TANGO6: variants seen among roughly 807,000 people sequenced by gnomAD.
TANGO6 encodes the protein transport and golgi organization 6 homolog, also known as transport and Golgi organization protein 6 homolog.
TANGO6 carries 90 observed loss-of-function variants against 114.2 expected under a neutral mutation model. The observed-to-expected ratio is 0.79, with a 90% CI of 0.66 to 0.94. The LOEUF is 0.94. Among genes scored for constraint, TANGO6 ranks in the 40% least tolerant of loss-of-function variants. TANGO6 has a pLI of 0.00. For synonymous variants in TANGO6, 477 were observed against 509.8 expected, an observed-to-expected ratio of 0.94 and a Z score of 0.87; for missense variants, 1,274 against 1,315.3, an observed-to-expected ratio of 0.97 and a Z score of 0.49.
Position 68,843,609 on chromosome 16 carries a change from A to G in TANGO6, c.-9A>G. On this transcript the variant is annotated 5_prime_UTR_variant, in exon 1 of 18. Transcript: ENST00000261778. The stretch of plus-strand genomic sequence containing the variant: ...GAGCGGGTCGCGAGCGTGGTGTTAC[A>G]CTCCAGTCATGGCGGCCCGACAGGC... 1.9e-6 allele frequency: 3 copies of G among 1,612,548 alleles called. No homozygotes were observed. Among genetic ancestry groups the G allele is most frequent in the Non-Finnish European group, 1.7e-6 (2 of 1,179,266 alleles).
chr16:69,061,664 TA>T (rs1440095657), intron 17 of TANGO6, among the ~76,000 whole-genome samples: 1 of 152,204 alleles, frequency 6.6e-6, no homozygotes, highest in Non-Finnish European at 1.5e-5. Flanking sequence ...GTTTTTGCCA[TA>T]ATGCTTGCTC....
intron 15 of TANGO6, among the ~76,000 whole-genome samples, chr16:68,980,204 A>G (rs1963811195): frequency 6.6e-6 from 1 of 151,344 alleles, no homozygotes; most frequent in Non-Finnish European, 1.5e-5. Context: ...ATTGACATTT[A>G]TATCATAAAT....
intron 15 of TANGO6, among the ~76,000 whole-genome samples, chr16:68,980,041 T>G (rs1294917322): frequency 3.3e-5 from 5 of 151,904 alleles, no homozygotes; most frequent in African/African-American, 1.2e-4. Context: ...AGAGACGGGG[T>G]TTCACCATGC....
At position 68,860,418 on chromosome 16, in the gene TANGO6, C is replaced by A. The variant is rs752933830; in HGVS notation, c.629C>A (p.Ser210Tyr). 6.2e-7 allele frequency: 1 copy of A among 1,614,002 alleles called. No individual in the cohort carries two copies. Among genetic ancestry groups the A allele is most frequent in the Admixed American group, 1.7e-5 (1 of 60,010 alleles). Residue 210 changes from serine (S) to tyrosine (Y), a missense_variant, in exon 2 of 18, where the codon TCT (serine) becomes TAT (tyrosine). Physicochemically the swap from Ser to Tyr is moderately radical, Grantham distance 144. Transcript: ENST00000261778. Reference protein sequence around the residue: ...KALLNVAQHTSLGSLIFCHHF... With the variant: ...KALLNVAQHTYLGSLIFCHHF... Reference sequence around the variant, plus strand: ...CTTCTGAATGTTGCTCAGCACACATCTCTGGGGAGCTTGATCTTCTGCCAC... The same window carrying A: ...CTTCTGAATGTTGCTCAGCACACATATCTGGGGAGCTTGATCTTCTGCCAC...
chr16:68,866,979 T>C, intron 3 of TANGO6, 100 bp from the exon 4 acceptor site: 1 of 331,444 alleles, frequency 3.0e-6, no homozygotes, highest in Non-Finnish European at 4.5e-6. Flanking sequence ...TTTCTCCTTT[T>C]TTTTTTTTTT....
chr16:69,083,537 G>C lies in TANGO6; in HGVS notation c.3161G>C (p.Cys1054Ser). The C allele has an allele frequency of 6.2e-7, 1 of 1,612,412 alleles. No homozygotes were observed. The highest frequency in any genetic ancestry group is 8.5e-7 in the Non-Finnish European group (1 of 1,179,270). Residue 1054 changes from cysteine (C) to serine (S), a missense_variant, in exon 18 of 18, where the codon TGT becomes TCT. Physicochemically the swap from Cys to Ser is moderately radical, Grantham distance 112. Around this residue, in one of 5 missense-constraint regions of TANGO6, gnomAD observed 238 missense variants for 252.9 expected, o/e 0.94. Coordinates refer to ENST00000261778, the MANE Select transcript of TANGO6 (RefSeq NM_024562.2). ...DLYHLLKHVVCLEPDDVAKLH... is the reference protein window; with the variant it reads ...DLYHLLKHVVSLEPDDVAKLH... Reference sequence around the variant, plus strand: ...TACCACCTGCTGAAGCACGTAGTGTGTCTGGAGCCCGATGACGTGGCCAAG... The same window carrying C: ...TACCACCTGCTGAAGCACGTAGTGTCTCTGGAGCCCGATGACGTGGCCAAG...
intron 14 of TANGO6, among the ~76,000 whole-genome samples, chr16:68,953,992 C>G (rs1168214767): frequency 6.6e-6 from 1 of 152,014 alleles, no homozygotes; most frequent in Non-Finnish European, 1.5e-5. Context: ...GTAATCCCAG[C>G]ACTTTCGGAG....
intron 15 of TANGO6, among the ~76,000 whole-genome samples, chr16:68,994,796 G>T (rs113765797): frequency 0.022 from 3,329 of 151,456 alleles, 126 homozygotes; most frequent in African/African-American, 0.076. Context: ...TGTTGCCCAC[G>T]CTGATCTCAA....
chr16:69,024,910 C>T (rs1474141064), intron 16 of TANGO6, among the ~76,000 whole-genome samples: 3 of 152,114 alleles, frequency 2.0e-5, no homozygotes, highest in Non-Finnish European at 4.4e-5. Context: ...CAGGTTCAAG[C>T]GATTCTCCCG....
intron 3 of TANGO6, 70 bp from the exon 4 acceptor site, chr16:68,867,009 G>A: frequency 2.2e-6 from 1 of 450,530 alleles, no homozygotes; most frequent in Non-Finnish European, 3.7e-6. Context: ...TTACAGGCAT[G>A]AGCCACTACG....
At chr16:69,025,173 C>T (rs1959479578) in intron 16 of TANGO6, among the ~76,000 whole-genome samples, 1 of 152,232 alleles carries the variant, frequency 6.6e-6, no homozygotes, top group African/African-American at 2.4e-5. Context: ...TGGCGTGCCC[C>T]AGCTCACCTG....
intron 17 of TANGO6, among the ~76,000 whole-genome samples, chr16:69,053,297 T>A (rs1959982823): frequency 6.6e-6 from 1 of 152,104 alleles, no homozygotes; most frequent in Non-Finnish European, 1.5e-5. Context: ...TACATTACAG[T>A]TTTTTAATAT....
intron 17 of TANGO6, among the ~76,000 whole-genome samples, chr16:69,041,515 TA>T (rs1228585080): frequency 1.3e-5 from 2 of 152,058 alleles, no homozygotes; most frequent in Non-Finnish European, 2.9e-5. Context: ...CCTAGAATGT[TA>T]CCATATGGAG....
At chr16:68,909,461 A>C in intron 11 of TANGO6, 59 bp downstream of exon 11, 1 of 1,408,346 alleles carries the variant, frequency 7.1e-7, no homozygotes. Context: ...AATAAAGTTT[A>C]AAAATGTTGC....
At chr16:68,953,231 G>A (rs550093109) in intron 14 of TANGO6, among the ~76,000 whole-genome samples, 2 of 152,006 alleles carry the variant, frequency 1.3e-5, no homozygotes, top group African/African-American at 2.4e-5. Flanking sequence ...TTACAGGCAC[G>A]CACCACCACG....
intron 14 of TANGO6, among the ~76,000 whole-genome samples, chr16:68,947,853 A>C (rs1221857332): frequency 6.6e-6 from 1 of 152,100 alleles, no homozygotes; most frequent in East Asian, 1.9e-4. Flanking sequence ...CGGCCTCCCA[A>C]AGTGCTGGGA....
intron 15 of TANGO6, among the ~76,000 whole-genome samples, chr16:69,020,463 CA>C (rs1959382307): frequency 1.3e-5 from 2 of 152,130 alleles, no homozygotes; most frequent in Non-Finnish European, 1.5e-5. Context: ...TGATTTAAGT[CA>C]AAGCGACTTA....
At chr16:68,886,941 G>A (rs1460918645) in intron 7 of TANGO6, among the ~76,000 whole-genome samples, 2 of 152,030 alleles carry the variant, frequency 1.3e-5, no homozygotes, top group Admixed American at 6.6e-5. Flanking sequence ...CCAAGAAGCT[G>A]GGATTACAGG....
At chr16:69,049,201 C>T (rs1207995477) in intron 17 of TANGO6, among the ~76,000 whole-genome samples, 1 of 151,810 alleles carries the variant, frequency 6.6e-6, no homozygotes, top group Non-Finnish European at 1.5e-5. Flanking sequence ...TTTTCATTGC[C>T]CCCCAAAAGA....
Sources: allele counts gnomAD v4.1 joint callset (sites outside exome capture counted in the v4.1 genomes callset), GRCh38; gene constraint gnomAD v4.1.1; regional missense constraint gnomAD v4.1.1; transcripts MANE v1.5; gene names NCBI Gene and HGNC (gene_info 2026-07-23, HGNC 2026-07-21).